Variants in SLC5A10 observed in about 807,000 individuals in gnomAD.
SLC5A10 encodes sodium/mannose cotransporter SLC5A10.
A neutral mutation model predicts 68.9 loss-of-function variants in SLC5A10; 55 were observed. The observed-to-expected ratio is 0.80, with a 90% CI of 0.64 to 1.00. The LOEUF (loss-of-function observed/expected upper bound fraction) is 1.00, where lower values mean the gene tolerates loss of function less well. Ranked by LOEUF, SLC5A10 falls within the 50% of genes least tolerant of loss-of-function variation. The probability of loss-of-function intolerance (pLI) is 0.00; values close to 1 mark genes in which losing one functional copy is unlikely to be tolerated. For synonymous variants in SLC5A10, 344 were observed against 344.8 expected (o/e 1.00, Z 0.02); for missense variants, 732 against 819.3 (o/e 0.89, Z 1.30).
chr17:18,964,817 G>A (rs2042678121), intron 5 of SLC5A10, among the ~76,000 whole-genome samples: 3 of 152,210 alleles, frequency 2.0e-5, no homozygotes, highest in Admixed American at 1.3e-4. Flanking sequence ...CCTCTGCCGG[G>A]CGGGGGTGCA....
At chr17:18,979,775 T>C in intron 9 of SLC5A10, 1 of 1,346,730 alleles carries the variant, frequency 7.4e-7, no homozygotes, top group South Asian at 1.2e-5. Context: ...GACTCTGGAG[T>C]AGTCAGGAGG....
At chr17:18,960,375 G>C (rs114972987) in intron 4 of SLC5A10, among the ~76,000 whole-genome samples, 173 bp from the exon 5 acceptor site, 1,558 of 152,354 alleles carry the variant, frequency 0.01, 24 homozygotes, top group African/African-American at 0.035. Flanking sequence ...GGAGCAGCCC[G>C]GGATTCCAGG....
intron 5 of SLC5A10, among the ~76,000 whole-genome samples, chr17:18,963,391 C>G (rs1252207235): frequency 6.6e-6 from 1 of 152,246 alleles, no homozygotes; most frequent in Non-Finnish European, 1.5e-5. Context: ...GCCTTTCAAA[C>G]TCCACTTTGT....
rs563556477 is a variant in SLC5A10 at position 19,016,831 on chromosome 17, C to G, written c.1241+1632C>G. Among the ~76,000 whole-genome samples, 10 of 152,272 alleles carry G rather than the reference C, an allele frequency of 6.6e-5. No individual in the cohort carries two copies. In the East Asian group the frequency reaches 1.7e-3, roughly 26 times the overall value. On this transcript the variant is annotated intron_variant, in intron 11 of 14. Transcript: ENST00000395645. ...CCTGCCCCTCTCTGACCATGTGTCT[C>G]CTCTGAGGCCAGACCTTGCTCTAAG...
chr17:18,973,647 C>T (rs2042908811), intron 8 of SLC5A10, among the ~76,000 whole-genome samples: 1 of 152,150 alleles, frequency 6.6e-6, no homozygotes, highest in Non-Finnish European at 1.5e-5. Flanking sequence ...TCAAAGATAG[C>T]CACAGTCTAG....
At chr17:18,979,691 A>C in intron 9 of SLC5A10, 1 of 1,612,672 alleles carries the variant, frequency 6.2e-7, no homozygotes, top group South Asian at 1.1e-5. Context: ...GGGAACCAAG[A>C]GACAGAATTA....
rs141035517 is a variant in SLC5A10 at position 19,006,518 on chromosome 17, C to T, written c.983-6892C>T. ...CCTCCCGAAGTTCTGGGATTATAGG[C>T]GTGAGCCACTGCACTGGCCAGATTT... On this transcript the variant is annotated intron_variant, in intron 9 of 14. Transcript: ENST00000395645. Among the ~76,000 whole-genome samples, 380 of 151,024 alleles carry T rather than the reference C, an allele frequency of 2.5e-3. 2 individuals carry two copies. Among genetic ancestry groups the T allele is most frequent in the Non-Finnish European group, 3.6e-3 (243 of 67,914 alleles).
chr17:19,013,336 C>A, intron 9 of SLC5A10, 74 bp from the exon 10 acceptor site: 2 of 1,587,938 alleles, frequency 1.3e-6, no homozygotes, highest in Admixed American at 1.8e-5. Flanking sequence ...AGGCTCCTGC[C>A]CCCAGCCCTA....
chr17:18,981,674 C>T (rs576856569), intron 9 of SLC5A10, among the ~76,000 whole-genome samples: 19 of 152,278 alleles, frequency 1.2e-4, no homozygotes, highest in Non-Finnish European at 2.2e-4. Context: ...GGGTGAGTCC[C>T]CATCTGATGC....
At chr17:18,982,270 G>A (rs1368504662) in intron 9 of SLC5A10, among the ~76,000 whole-genome samples, 1 of 152,106 alleles carries the variant, frequency 6.6e-6, no homozygotes, top group African/African-American at 2.4e-5. Flanking sequence ...TCAGCAGCAG[G>A]TGGGGGCCTG....
At chr17:18,959,356 G>A in intron 3 of SLC5A10, 117 bp downstream of exon 3, 1 of 1,113,818 alleles carries the variant, frequency 9.0e-7, no homozygotes, top group Non-Finnish European at 1.3e-6. Context: ...TGGGCTCTGT[G>A]CAGTGCTGTT....
intron 11 of SLC5A10, chr17:19,019,103 C>T (rs886332514): frequency 5.9e-6 from 2 of 338,646 alleles, no homozygotes; most frequent in Non-Finnish European, 1.1e-5. Flanking sequence ...GTGACTGGGA[C>T]AGGTGCTTTG....
rs778660053 is a variant in SLC5A10, at chr17:18,960,660, G to T, written c.453+8G>T. 9.9e-6 allele frequency: 16 copies of T among 1,612,430 alleles called. No homozygotes were observed. The Admixed American group carries it at 2.7e-4, about 27-fold the overall frequency. ...GTCTTCACCAAGATATCGGTGAGCTGCCCCCGGCTCCCTGCTGGCATAGCC... is the reference window on the plus strand; with the variant it reads ...GTCTTCACCAAGATATCGGTGAGCTTCCCCCGGCTCCCTGCTGGCATAGCC... On this transcript the variant is annotated splice_region_variant and intron_variant, in intron 5 of 14. Transcript: ENST00000395645.
intron 5 of SLC5A10, among the ~76,000 whole-genome samples, chr17:18,965,004 C>T (rs902536877): frequency 4.0e-5 from 6 of 151,160 alleles, no homozygotes; most frequent in Admixed American, 1.3e-4. Context: ...ATTAGCCAGG[C>T]GTGGTGACAC....
rs879545958 is a variant in SLC5A10, at chr17:19,021,761, C to G, written c.*1330C>G. 28 of 449,016 alleles carry G rather than the reference C, an allele frequency of 6.2e-5. No individual in the cohort carries two copies. The highest frequency in any genetic ancestry group is 9.7e-5 in the Non-Finnish European group (26 of 267,514). The allele number at this position is 449,016 out of a possible 1,614,324, so 27.8% of individuals were successfully genotyped here. ...ACCAGCCAGGAAGCCCCGGAGCTAC[C>G]CTTGCTGGGTACCCTTGCTGGGGGA... is the stretch of plus-strand genomic sequence containing the variant. On this transcript the variant is annotated 3_prime_UTR_variant, in exon 15 of 15. Coordinates refer to ENST00000395645, the MANE Select transcript of SLC5A10 (RefSeq NM_001042450.4). This position sits in a 1 kb window ranked among gnomAD's most constrained non-coding sequence, Gnocchi z 4.1.
intron 9 of SLC5A10, among the ~76,000 whole-genome samples, chr17:18,980,844 G>A (rs1291130166): frequency 3.9e-5 from 6 of 152,144 alleles, no homozygotes; most frequent in African/African-American, 1.4e-4. Flanking sequence ...CTGAGGTCAG[G>A]CAGGGAATCT....
chr17:18,979,020 G>A (rs1013947505), intron 9 of SLC5A10: 2 of 724,366 alleles, frequency 2.8e-6, no homozygotes, highest in East Asian at 2.7e-5. Context: ...TGAGTCGGAT[G>A]TCAAGCAAGT....
intron 4 of SLC5A10, 107 bp downstream of exon 4, chr17:18,959,770 T>G (rs2042575258): frequency 1.0e-6 from 1 of 1,001,642 alleles, no homozygotes; most frequent in African/African-American, 1.6e-5. Flanking sequence ...TGGTAAACTC[T>G]TAGGGCTGGG....
intron 9 of SLC5A10, among the ~76,000 whole-genome samples, chr17:18,984,034 T>TC (rs1304139925): frequency 1.3e-5 from 2 of 151,738 alleles, no homozygotes; most frequent in Admixed American, 6.6e-5. Flanking sequence ...GCAGAGTGAA[T>TC]CCCCCCCGTT....
Sources: gnomAD v4.1 joint callset for allele counts (sites outside exome capture counted in the v4.1 genomes callset) on GRCh38, gnomAD v4.1.1 for gene constraint, Gnocchi (gnomAD v3.1) non-coding constraint, MANE v1.5 for transcripts, NCBI Gene and HGNC (gene_info 2026-07-23, HGNC 2026-07-21) for gene names.